Variants in PORCN observed in about 807,000 individuals in gnomAD.
The protein encoded by PORCN is porcupine O-acyltransferase.
Under a neutral mutation model 43.0 loss-of-function variants are expected in PORCN, and 1 was observed. That is an observed-to-expected ratio of 0.02 (90% CI 0.01 to 0.11). The LOEUF (loss-of-function observed/expected upper bound fraction) is 0.11, where lower values mean the gene tolerates loss of function less well. Ranked by LOEUF, PORCN falls within the 10% of genes least tolerant of loss-of-function variation. The pLI is 1.00. For missense variants in PORCN, 240 were observed against 392.1 expected (o/e 0.61, Z 3.28); for synonymous variants, 148 against 166.4 (o/e 0.89, Z 0.85).
intron 14 of PORCN, 116 bp from the exon 15 acceptor site, chrX:48,520,259 C>T (rs1418856950): frequency 1.8e-6 from 1 of 556,423 alleles, no homozygotes; most frequent in Non-Finnish European, 3.2e-6. Context: ...TACCTAGGCC[C>T]TTCTGCGGGG....
At chrX:48,514,449 G>A in intron 9 of PORCN, 76 bp from the exon 10 acceptor site, 1 of 1,183,363 alleles carries the variant, frequency 8.5e-7, no homozygotes, top group Non-Finnish European at 1.1e-6. Context: ...CCAGGGGAGG[G>A]AACGGCCAAG....
At position 48,514,306 on chromosome X, in the gene PORCN, C is replaced by T. The variant is rs781928782; in HGVS notation, c.786C>T (p.Ser262=). The part of the protein sequence containing the change: ...HFSNYFVGFL[S]EATATLAGAG... ...GCAACTATTTTGTGGGCTTTCTTTCCGAGGCCACGGCCACGTTGGCGGGGG... is the reference window on the plus strand; with the variant it reads ...GCAACTATTTTGTGGGCTTTCTTTCTGAGGCCACGGCCACGTTGGCGGGGG... The change falls in exon 9 of 15, where the codon TCC becomes TCT. Residue 262 remains serine (S), a synonymous_variant. Transcript: ENST00000326194. 2.5e-5 allele frequency: 30 copies of T among 1,211,846 alleles called. No homozygotes were observed. Among genetic ancestry groups the T allele is most frequent in the Non-Finnish European group, 3.0e-5 (27 of 895,441 alleles).
chrX:48,518,577 C>G (rs2147144328), intron 14 of PORCN, among the ~76,000 whole-genome samples: 1 of 111,987 alleles, frequency 8.9e-6, no homozygotes, highest in South Asian at 3.6e-4. Flanking sequence ...GGATTCTGCA[C>G]TTTAAAATTT....
chrX:48,509,353 C>CCCT, intron 1 of PORCN: 3 of 286,756 alleles, frequency 1.0e-5, no homozygotes, highest in South Asian at 4.1e-5. Flanking sequence ...CCCGTGCCGC[C>CCCT]GCATCCATAC....
Position 48,515,711 on chromosome X carries a change from C to G in PORCN, c.947-6C>G, listed in dbSNP as rs782639906. The G allele has an allele frequency of 4.1e-6, 5 of 1,205,102 alleles. No individual in the cohort carries two copies. The highest frequency in any genetic ancestry group is 5.6e-6 in the Non-Finnish European group (5 of 889,672). On this transcript the variant is annotated splice_region_variant and splice_polypyrimidine_tract_variant and intron_variant, in intron 10 of 14. Coordinates refer to ENST00000326194, the MANE Select transcript of PORCN (RefSeq NM_203475.3). ...AGAATTTTATCCCACATCTCTTCCC[C>G]TCCAGATGTTTTCAAGAATGCTCTC... is the stretch of plus-strand genomic sequence containing the variant.
Position 48,509,808 on chromosome X carries a change from G to T in PORCN, c.-13G>T, listed in dbSNP as rs958476320. On this transcript the variant is annotated 5_prime_UTR_variant, in exon 2 of 15. Transcript: ENST00000326194. The stretch of plus-strand genomic sequence containing the variant: ...GATCTATCCATCTGGCCATCCATCC[G>T]TGGGGGTCTGCAATGGCCACCTTTA... The T allele has an allele frequency of 4.1e-6, 5 of 1,210,192 alleles. No individual in the cohort carries two copies. The highest frequency in any genetic ancestry group is 5.6e-6 in the Non-Finnish European group (5 of 894,580).
chrX:48,509,762 C>G, intron 1 of PORCN, 22 bp from the exon 2 acceptor site: 1 of 1,200,426 alleles, frequency 8.3e-7, no homozygotes, highest in Non-Finnish European at 1.1e-6. Flanking sequence ...CACCCGCTCC[C>G]TCTGTGTCCC....
intron 14 of PORCN, among the ~76,000 whole-genome samples, chrX:48,519,247 G>A (rs183571887): frequency 9.0e-6 from 1 of 111,237 alleles, no homozygotes; most frequent in East Asian, 2.8e-4. Flanking sequence ...GTGAGCCACC[G>A]CACTGAGCCC....
intron 2 of PORCN, 48 bp from the exon 3 acceptor site, chrX:48,511,247 T>C (rs1556973800): frequency 5.3e-6 from 3 of 565,174 alleles, no homozygotes; most frequent in Non-Finnish European, 8.4e-6. Context: ...TCTCTTTCTC[T>C]CTCTTTCTCG....
chrX:48,512,552 C>G (rs1447509854), intron 5 of PORCN, 37 bp from the exon 6 acceptor site: 7 of 1,207,528 alleles, frequency 5.8e-6, no homozygotes, highest in Non-Finnish European at 7.8e-6. Flanking sequence ...TGGGAGCCAC[C>G]CTGGGGCAGC....
intron 14 of PORCN, 45 bp from the exon 15 acceptor site, chrX:48,520,330 C>A (rs368796600): frequency 9.4e-7 from 1 of 1,059,731 alleles, no homozygotes; most frequent in African/African-American, 1.8e-5. Flanking sequence ...CTAAGAACTT[C>A]TTTGTCCTTG....
intron 2 of PORCN, among the ~76,000 whole-genome samples, chrX:48,511,019 A>G (rs2061671243): frequency 8.9e-6 from 1 of 111,838 alleles, no homozygotes; most frequent in Non-Finnish European, 1.9e-5. Flanking sequence ...AATGCCCTTT[A>G]TAGATGTTTC....
intron 1 of PORCN, chrX:48,509,497 A>G (rs782666359): frequency 1.0e-6 from 1 of 998,601 alleles, no homozygotes; most frequent in South Asian, 2.0e-5. Context: ...CCTGAAATGT[A>G]TGCCATCCCA....
rs1556975589 is a variant in PORCN at position 48,517,224 on chromosome X, G to A, written c.1215G>A (p.Leu405=). ...CCTTAAACTTGCTCTTTGGAGCTCT[G>A]GCCATCTTCCACCTGGCCTACCTGG... ...VRALNLLFGA[L]AIFHLAYLGS... Residue 405 remains leucine, a synonymous_variant, in exon 14 of 15, where the codon CTG becomes CTA. Transcript: ENST00000326194. 8.5e-7 allele frequency: 1 copy of A among 1,171,748 alleles called. No homozygotes were observed. Among genetic ancestry groups the A allele is most frequent in the African/African-American group, 1.8e-5 (1 of 56,563 alleles).
Position 48,516,152 on chromosome X carries a change from G to C in PORCN, c.1173+6G>C. 1 of 1,204,239 alleles carries C rather than the reference G, an allele frequency of 8.3e-7. No individual in the cohort carries two copies. The highest frequency in any genetic ancestry group is 1.1e-6 in the Non-Finnish European group (1 of 889,059). On this transcript the variant is annotated splice_donor_region_variant and intron_variant, in intron 13 of 14. Transcript: ENST00000326194. The stretch of plus-strand genomic sequence containing the variant: ...GTTCGCACCAGCATCGCTTGGTGAG[G>C]GTTCAGCCTGGGCAACCTTGTGCCC...
At chrX:48,519,108 C>T (rs2061740343) in intron 14 of PORCN, among the ~76,000 whole-genome samples, 2 of 111,511 alleles carry the variant, frequency 1.8e-5, no homozygotes, top group African/African-American at 3.3e-5. Flanking sequence ...TGCTCCCACC[C>T]TCTGCCCCCT....
rs149353217 is a variant in PORCN, at chrX:48,518,069, C to T, written c.1284+776C>T. Among the ~76,000 whole-genome samples the T allele has an allele frequency of 3.6e-3, 393 of 108,148 alleles. 1 individual carries two copies. Among genetic ancestry groups the T allele is most frequent in the African/African-American group, 0.013 (376 of 29,617 alleles). The allele number at this position is 108,148 out of a possible 115,157, so 93.9% of individuals were successfully genotyped here. Reference sequence around the variant, plus strand: ...GACTACAGGTGCATGACACTAAGCCCGGCTAATGTTTTTTTAATTTTTTTT... The same window carrying T: ...GACTACAGGTGCATGACACTAAGCCTGGCTAATGTTTTTTTAATTTTTTTT... On this transcript the variant is annotated intron_variant, in intron 14 of 14. Transcript: ENST00000326194.
At chrX:48,517,139 G>A in intron 13 of PORCN, 44 bp from the exon 14 acceptor site, 1 of 1,024,212 alleles carries the variant, frequency 9.8e-7, no homozygotes, top group East Asian at 3.3e-5. Flanking sequence ...GTGGGACACA[G>A]TGAGTAGGTC....
intron 7 of PORCN, among the ~76,000 whole-genome samples, chrX:48,513,347 A>G (rs1383182660): frequency 8.9e-6 from 1 of 111,898 alleles, no homozygotes; most frequent in African/African-American, 3.3e-5. Flanking sequence ...GTGGCATGTC[A>G]TATGCCTGTC....
Sources: gnomAD v4.1 joint callset for allele counts (sites outside exome capture counted in the v4.1 genomes callset) on GRCh38, gnomAD v4.1.1 for gene constraint, MANE v1.5 for transcripts, NCBI Gene and HGNC (gene_info 2026-07-23, HGNC 2026-07-21) for gene names.